TNS3: variants seen among roughly 807,000 people sequenced by gnomAD.
TNS3 encodes the protein tensin 3.
TNS3 carries 45 observed loss-of-function variants against 140.9 expected under a neutral mutation model. The observed-to-expected ratio is 0.32, with a 90% confidence interval of 0.25 to 0.41. The LOEUF is 0.41. Among genes scored for constraint, TNS3 ranks in the 10% least tolerant of loss-of-function variants. The pLI, the probability that TNS3 is intolerant of heterozygous loss-of-function variation, is 1.00. For missense variants in TNS3, 1,716 were observed against 1,906.7 expected, an observed-to-expected ratio of 0.90 and a Z score of 1.86; for synonymous variants, 815 against 788.4, an observed-to-expected ratio of 1.03 and a Z score of -0.56.
At chr7:47,562,448 G>A (rs976668198) in intron 1 of TNS3, among the ~76,000 whole-genome samples, 3 of 148,870 alleles carry the variant, frequency 2.0e-5, no homozygotes, top group Non-Finnish European at 3.0e-5. Flanking sequence ...GTGCAATGGC[G>A]CTATCTCGGC....
At chr7:47,451,619 T>A (rs1005489705) in intron 4 of TNS3, among the ~76,000 whole-genome samples, 2 of 152,144 alleles carry the variant, frequency 1.3e-5, no homozygotes, top group South Asian at 2.1e-4. Context: ...AAGCCACGGA[T>A]AAATCCACAA....
At chr7:47,504,536 G>C (rs1322266965) in intron 3 of TNS3, among the ~76,000 whole-genome samples, 1 of 152,246 alleles carries the variant, frequency 6.6e-6, no homozygotes, top group Non-Finnish European at 1.5e-5. Flanking sequence ...CCAGACCAAA[G>C]CCTATGAGCT....
At chr7:47,501,626 G>A (rs991229078) in intron 3 of TNS3, among the ~76,000 whole-genome samples, 1 of 152,162 alleles carries the variant, frequency 6.6e-6, no homozygotes, top group African/African-American at 2.4e-5. Flanking sequence ...CAGCAAAGCA[G>A]CAGCTCCCAC....
At chr7:47,504,776 ATTT>A (rs1439264843) in intron 3 of TNS3, among the ~76,000 whole-genome samples, 1 of 152,128 alleles carries the variant, frequency 6.6e-6, no homozygotes, top group Non-Finnish European at 1.5e-5. Flanking sequence ...ACGGCATTAT[ATTT>A]TTGGAATGAG....
chr7:47,352,082 C>T lies in TNS3; in HGVS notation c.2282-5726G>A, dbSNP rs1789708716. Among the ~76,000 whole-genome samples, 4 of 139,250 alleles carry T rather than the reference C, an allele frequency of 2.9e-5. No individual in the cohort carries two copies. The South Asian group carries it at 9.1e-4, about 32-fold the overall frequency. The allele number at this position is 139,250 out of a possible 152,430, so 91.4% of individuals were successfully genotyped here. A position where few individuals can be genotyped will look rare whatever the true frequency, so the allele number is the denominator to read the frequency against. Reference sequence around the variant, plus strand: ...GCATTTGCACACACACTCTTACACCCACGTCACACACACCTGCATACTTCA... The same window carrying T: ...GCATTTGCACACACACTCTTACACCTACGTCACACACACCTGCATACTTCA... On this transcript the variant is annotated intron_variant, in intron 17 of 30. Coordinates refer to ENST00000311160, the MANE Select transcript of TNS3 (RefSeq NM_022748.12).
chr7:47,494,122 G>C (rs1797914874), intron 3 of TNS3, among the ~76,000 whole-genome samples: 1 of 152,110 alleles, frequency 6.6e-6, no homozygotes. Context: ...TTCCACCCCT[G>C]TTCACAAAAT....
intron 1 of TNS3, among the ~76,000 whole-genome samples, chr7:47,541,793 A>C (rs562651847): frequency 1.2e-4 from 19 of 152,014 alleles, no homozygotes; most frequent in African/African-American, 4.6e-4. Context: ...CTAAAAATAC[A>C]AAAAAATTAG....
chr7:47,381,484 A>G (rs912733436), intron 16 of TNS3, among the ~76,000 whole-genome samples: 2 of 152,178 alleles, frequency 1.3e-5, no homozygotes, highest in African/African-American at 4.8e-5. Flanking sequence ...TACCAACCAC[A>G]CACTTTTACT....
Position 47,277,983 on chromosome 7 carries a change from T to A in TNS3, c.*93A>T, listed in dbSNP as rs778050664. On this transcript the variant is annotated 3_prime_UTR_variant, in exon 31 of 31. Transcript: ENST00000311160. ...CATGGGCCTGGAATGTCAGGTTTAC[T>A]AGTTTGGTAAAAAGTGGGGGCCCCA... is the stretch of plus-strand genomic sequence containing the variant. The A allele has an allele frequency of 3.6e-6, 5 of 1,405,526 alleles. No individual in the cohort carries two copies. In the East Asian group the frequency reaches 1.2e-4, roughly 32 times the overall value. 87.1% of individuals were successfully genotyped at this position (1,405,526 alleles called of 1,614,324 possible).
intron 3 of TNS3, among the ~76,000 whole-genome samples, chr7:47,506,175 C>T (rs1373225660): frequency 6.6e-6 from 1 of 152,200 alleles, no homozygotes; most frequent in Non-Finnish European, 1.5e-5. Context: ...GCTGACACCC[C>T]GACTGCAGAC....
intron 4 of TNS3, among the ~76,000 whole-genome samples, chr7:47,468,375 A>G (rs1434896235): frequency 6.6e-6 from 1 of 152,192 alleles, no homozygotes; most frequent in East Asian, 1.9e-4. Flanking sequence ...CGGGAGGCAG[A>G]GGTTGCAGTG....
chr7:47,459,579 G>A (rs528382837), intron 4 of TNS3, among the ~76,000 whole-genome samples: 1 of 152,246 alleles, frequency 6.6e-6, no homozygotes, highest in South Asian at 2.1e-4. Context: ...GTCCTAGAAT[G>A]TAAATTCCCC....
chr7:47,376,886 T>G (rs940233286), intron 16 of TNS3, among the ~76,000 whole-genome samples: 1 of 152,198 alleles, frequency 6.6e-6, no homozygotes, highest in Non-Finnish European at 1.5e-5. Flanking sequence ...ATGGTCACAG[T>G]TTTTGTTCCG....
At chr7:47,341,641 T>G (rs956093895) in intron 20 of TNS3, among the ~76,000 whole-genome samples, 6 of 152,152 alleles carry the variant, frequency 3.9e-5, no homozygotes, top group African/African-American at 1.2e-4. Flanking sequence ...TGCTAGAGGT[T>G]TGTCAATTTT....
chr7:47,393,396 C>T (rs545786536), intron 16 of TNS3, among the ~76,000 whole-genome samples: 3 of 152,206 alleles, frequency 2.0e-5, no homozygotes, highest in Admixed American at 6.5e-5. Flanking sequence ...GGAAAGGCTC[C>T]GTGCTTGTCT....
intron 1 of TNS3, among the ~76,000 whole-genome samples, chr7:47,555,095 A>C (rs912050157): frequency 5.3e-5 from 8 of 151,978 alleles, no homozygotes; most frequent in African/African-American, 1.9e-4. Flanking sequence ...TAACAACAAA[A>C]TATTTAGAAA....
chr7:47,530,838 A>AAAAAAAAAAAAAAAAAAATATATAT lies in TNS3; in HGVS notation c.-264-1692_-264-1691insATATATATTTTTTTTTTTTTTTTTT. ...AACTCCATCTCAAAAAAAAAAAAAA[A>AAAAAAAAAAAAAAAAAAATATATAT]ATATATATATATATATATATTTCTA... On this transcript the variant is annotated intron_variant, in intron 1 of 30. Coordinates refer to ENST00000311160, the MANE Select transcript of TNS3 (RefSeq NM_022748.12). Among the ~76,000 whole-genome samples, 3 of 54,564 alleles carry AAAAAAAAAAAAAAAAAAATATATAT rather than the reference A, an allele frequency of 5.5e-5. 1 individual carries two copies. The East Asian group carries it at 1.5e-3, about 27-fold the overall frequency. The allele number at this position is 54,564 out of a possible 152,430, so 35.8% of individuals were successfully genotyped here.
At position 47,303,209 on chromosome 7, in the gene TNS3, C is replaced by G. The variant is rs1222910962; in HGVS notation, c.3198G>C (p.Leu1066=). The G allele has an allele frequency of 6.2e-7, 1 of 1,613,624 alleles. No individual in the cohort carries two copies. The highest frequency in any genetic ancestry group is 8.5e-7 in the Non-Finnish European group (1 of 1,180,024). The change falls in exon 22 of 31, where the codon CTG becomes CTC. Residue 1066 remains leucine, a synonymous_variant. Coordinates refer to ENST00000311160, the MANE Select transcript of TNS3 (RefSeq NM_022748.12). ...GCGCCACCGTGAGAAAGTTGTGGGACAGGAAGCCATTGTCGGCAGCCCCTG... is the reference window on the plus strand; with the variant it reads ...GCGCCACCGTGAGAAAGTTGTGGGAGAGGAAGCCATTGTCGGCAGCCCCTG... ...TATGAADNGF[L]SHNFLTVAPG...
At chr7:47,364,303 G>A (rs926865900) in intron 17 of TNS3, among the ~76,000 whole-genome samples, 27 of 133,908 alleles carry the variant, frequency 2.0e-4, no homozygotes, top group Non-Finnish European at 3.5e-4. Flanking sequence ...TTTTTTTTGG[G>A]CCAGAGTGCT....
Sources: gnomAD v4.1 joint callset for allele counts (sites outside exome capture counted in the v4.1 genomes callset) on GRCh38, gnomAD v4.1.1 for gene constraint, MANE v1.5 for transcripts, NCBI Gene and HGNC (gene_info 2026-07-23, HGNC 2026-07-21) for gene names.